RS1: variants seen among roughly 807,000 people sequenced by gnomAD.
RS1 encodes the protein retinoschisin 1, also known as retinoschisin.
Under a neutral mutation model 20.8 loss-of-function variants are expected in RS1, and 2 were observed. The observed-to-expected ratio is 0.10, with a 90% CI of 0.04 to 0.30. The LOEUF (loss-of-function observed/expected upper bound fraction) is 0.30. Among genes scored for constraint, RS1 ranks in the 10% least tolerant of loss-of-function variants. The pLI, the probability that RS1 is intolerant of heterozygous loss-of-function variation, is 1.00. For synonymous variants in RS1, 70 were observed against 75.8 expected (o/e 0.92, Z 0.40); for missense variants, 151 against 189.8 (o/e 0.80, Z 1.20).
At chrX:18,654,757 T>C (rs1283151462) in intron 3 of RS1, among the ~76,000 whole-genome samples, 2 of 111,998 alleles carry the variant, frequency 1.8e-5, no homozygotes, top group African/African-American at 6.5e-5. Flanking sequence ...TGGGACCCCA[T>C]AGTTCCCTTG....
intron 1 of RS1, among the ~76,000 whole-genome samples, chrX:18,671,580 A>G (rs748803740): frequency 4.3e-3 from 476 of 111,386 alleles, no homozygotes; most frequent in Non-Finnish European, 7.0e-3. Flanking sequence ...TTACACCCCA[A>G]TTTGCCCTGG....
intron 1 of RS1, among the ~76,000 whole-genome samples, chrX:18,658,326 C>T (rs1256566190): frequency 2.7e-5 from 3 of 111,548 alleles, no homozygotes; most frequent in Non-Finnish European, 5.6e-5. Context: ...AAATATTTCC[C>T]GTCATTTCCT....
chrX:18,644,366 G>A (rs879212727), intron 5 of RS1, 64 bp downstream of exon 5: 25 of 1,039,086 alleles, frequency 2.4e-5, no homozygotes, highest in South Asian at 1.5e-4. Context: ...ACAGGAGCTC[G>A]GGGACAGGAG....
chrX:18,653,472 G>A lies in RS1; in HGVS notation c.184+3181C>T, dbSNP rs1183803130. On this transcript the variant is annotated intron_variant, in intron 3 of 5. Transcript: ENST00000379984. ...TGAGACACGTTATGAGGGAAGCCCT[G>A]ATTCACAGGGCCCAGGTAAACCAAG... The A allele has an allele frequency of 1.7e-6, 2 of 1,211,542 alleles. No homozygotes were observed. The highest frequency in any genetic ancestry group is 3.5e-5 in the South Asian group (2 of 56,988).
Position 18,656,637 on chromosome X carries a change from G to A in RS1, c.184+16C>T, listed in dbSNP as rs1928219553. On this transcript the variant is annotated intron_variant, in intron 3 of 5. Transcript: ENST00000379984. Reference sequence around the variant, plus strand: ...TTCCCAATGACTGTTCCATCCCAAGGACAGGGGATACTCACCTGGTATACA... The same window carrying A: ...TTCCCAATGACTGTTCCATCCCAAGAACAGGGGATACTCACCTGGTATACA... 8.7e-7 allele frequency: 1 copy of A among 1,145,783 alleles called. No individual in the cohort carries two copies. Among genetic ancestry groups the A allele is most frequent in the Non-Finnish European group, 1.2e-6 (1 of 836,868 alleles). The allele number at this position is 1,145,783 out of a possible 1,213,427, so 94.4% of individuals were successfully genotyped here. A position where few individuals can be genotyped will look rare whatever the true frequency, so the allele number is the denominator to read the frequency against.
At chrX:18,665,046 G>C (rs1472850148) in intron 1 of RS1, among the ~76,000 whole-genome samples, 1 of 111,886 alleles carries the variant, frequency 8.9e-6, no homozygotes, top group Non-Finnish European at 1.9e-5. Flanking sequence ...TCTCCTGAGT[G>C]GCTTCGCCAT....
Position 18,644,498 on chromosome X carries a change from T to A in RS1, c.454A>T (p.Ser152Cys). Residue 152 changes from serine to cysteine, a missense_variant, in exon 5 of 6, where the codon AGC becomes TGC. Ser to Cys is a moderately radical substitution (Grantham distance 112). Coordinates refer to ENST00000379984, the MANE Select transcript of RS1 (RefSeq NM_000330.4). ...CDIDEWMTKYSVQYRTDERLN... is the reference protein window; with the variant it reads ...CDIDEWMTKYCVQYRTDERLN... ...CGCTCATCGGTCCTGTACTGCACGC[T>A]GTACTTGGTCATCCACTCATCGATG... 1.7e-6 allele frequency: 2 copies of A among 1,211,380 alleles called. No homozygotes were observed. The highest frequency in any genetic ancestry group is 2.2e-6 in the Non-Finnish European group (2 of 895,004).
At chrX:18,654,619 T>C (rs1047156761) in intron 3 of RS1, among the ~76,000 whole-genome samples, 24 of 111,487 alleles carry the variant, frequency 2.2e-4, no homozygotes, top group African/African-American at 7.8e-4. Flanking sequence ...GAGTTATAAA[T>C]GGATTATTAA....
At chrX:18,658,113 T>C (rs1486414065) in intron 1 of RS1, among the ~76,000 whole-genome samples, 1 of 111,375 alleles carries the variant, frequency 9.0e-6, no homozygotes, top group Non-Finnish European at 1.9e-5. Flanking sequence ...GAGGTTGCAG[T>C]GAGCCAAGAT....
At chrX:18,652,858 T>A (rs1227776462) in intron 3 of RS1, among the ~76,000 whole-genome samples, 1 of 112,638 alleles carries the variant, frequency 8.9e-6, no homozygotes, top group African/African-American at 3.2e-5. Flanking sequence ...ATGAGATAGA[T>A]AAAGGCATAT....
At chrX:18,652,445 G>A (rs1911138590) in intron 3 of RS1, among the ~76,000 whole-genome samples, 1 of 112,121 alleles carries the variant, frequency 8.9e-6, no homozygotes, top group Non-Finnish European at 1.9e-5. Context: ...GAGGCGGGAG[G>A]ATCACTTGAG....
rs281865355 is a variant in RS1, at chrX:18,642,089, C to T, written c.590G>A (p.Arg197His). Reference protein sequence around the residue: ...QNLLRPPIISRFIRLIPLGWH... With the variant: ...QNLLRPPIISHFIRLIPLGWH... ...GCCCAGCGGGATGAGGCGGATGAAG[C>T]GGGAGATGATGGGGGGCCGCAGCAG... Residue 197 changes from arginine to histidine, a missense_variant, in exon 6 of 6, where the codon CGC (arginine) becomes CAC (histidine). Coordinates refer to ENST00000379984, the MANE Select transcript of RS1 (RefSeq NM_000330.4). The T allele has an allele frequency of 1.7e-6, 2 of 1,209,447 alleles. No individual in the cohort carries two copies. Among genetic ancestry groups the T allele is most frequent in the Non-Finnish European group, 1.1e-6 (1 of 895,011 alleles).
intron 1 of RS1, among the ~76,000 whole-genome samples, chrX:18,668,223 T>C (rs1928435457): frequency 8.9e-6 from 1 of 112,271 alleles, no homozygotes; most frequent in Non-Finnish European, 1.9e-5. Context: ...CAGTCACCAA[T>C]CTTAGATTTA....
intron 3 of RS1, among the ~76,000 whole-genome samples, chrX:18,649,787 G>A (rs769787487): frequency 8.9e-5 from 10 of 112,043 alleles, no homozygotes; most frequent in Admixed American, 4.7e-4. Flanking sequence ...GAGTGCCTGC[G>A]GACTCGAGGG....
At chrX:18,657,830 C>T (rs746856906) in intron 1 of RS1, among the ~76,000 whole-genome samples, 165 bp from the exon 2 acceptor site, 1 of 112,060 alleles carries the variant, frequency 8.9e-6, no homozygotes, top group Non-Finnish European at 1.9e-5. Context: ...AAAACATCCG[C>T]AGATGCTAAG....
intron 1 of RS1, among the ~76,000 whole-genome samples, chrX:18,666,519 G>A (rs1569234796): frequency 9.0e-6 from 1 of 111,544 alleles, no homozygotes; most frequent in Non-Finnish European, 1.9e-5. Context: ...TTCCTGCAGG[G>A]CCTCGTGGGC....
intron 3 of RS1, among the ~76,000 whole-genome samples, chrX:18,651,260 TGTGTGAGAGA>T (rs1928027522): frequency 2.5e-5 from 2 of 81,590 alleles, no homozygotes; most frequent in African/African-American, 4.5e-5. Context: ...TGTGTGTGTG[TGTGTGAGAGA>T]GAGAGAGAGA....
intron 5 of RS1, among the ~76,000 whole-genome samples, chrX:18,642,713 C>G (rs1342906339): frequency 1.8e-5 from 2 of 112,518 alleles, no homozygotes; most frequent in African/African-American, 6.5e-5. Context: ...GTGATGAGTA[C>G]CTTTCCAACT....
rs1800003 is a variant in RS1, at chrX:18,642,073, G to A, written c.606C>T (p.Ile202=). 1 of 1,211,507 alleles carries A rather than the reference G, an allele frequency of 8.3e-7. No homozygotes were observed. The highest frequency in any genetic ancestry group is 1.1e-6 in the Non-Finnish European group (1 of 895,342). ...CAATGCGGACGTGCCAGCCCAGCGG[G>A]ATGAGGCGGATGAAGCGGGAGATGA... The part of the protein sequence containing the change: ...PPIISRFIRL[I]PLGWHVRIAI... Residue 202 remains isoleucine, a synonymous_variant, in exon 6 of 6, where the codon ATC becomes ATT. Transcript: ENST00000379984.
Sources: gnomAD v4.1 joint callset for allele counts (sites outside exome capture counted in the v4.1 genomes callset) on GRCh38, gnomAD v4.1.1 for gene constraint, MANE v1.5 for transcripts, NCBI Gene and HGNC (gene_info 2026-07-23, HGNC 2026-07-21) for gene names.